Variants in MERTK observed in about 807,000 individuals in gnomAD.
MERTK encodes tyrosine-protein kinase Mer.
Under a neutral mutation model 99.3 loss-of-function variants are expected in MERTK, and 69 were observed. The ratio of observed to expected loss-of-function variants is 0.70; its 90% confidence interval spans 0.57 to 0.85. The LOEUF (loss-of-function observed/expected upper bound fraction) is 0.85. MERTK is among the 40% of genes least tolerant of loss of function. MERTK has a pLI of 0.00. For synonymous variants in MERTK, 426 were observed against 467.6 expected (o/e 0.91, Z 1.15); for missense variants, 1,125 against 1,249.4 (o/e 0.90, Z 1.50).
intron 2 of MERTK, among the ~76,000 whole-genome samples, chr2:111,936,780 G>A (rs887118919): frequency 1.1e-4 from 16 of 152,094 alleles, no homozygotes; most frequent in Admixed American, 9.2e-4. Flanking sequence ...TAGCATATCC[G>A]TTTGTCCAGG....
chr2:112,013,721 G>A (rs904099769), intron 15 of MERTK, among the ~76,000 whole-genome samples: 1 of 152,212 alleles, frequency 6.6e-6, no homozygotes, highest in African/African-American at 2.4e-5. Flanking sequence ...CATTCTGTGT[G>A]CACCCCTCTC....
At chr2:111,916,000 C>T (rs1684343111) in intron 1 of MERTK, among the ~76,000 whole-genome samples, 3 of 152,134 alleles carry the variant, frequency 2.0e-5, no homozygotes, top group Admixed American at 2.0e-4. Context: ...AGAACATAGA[C>T]TATATGATTT....
rs375585784 is a variant in MERTK at position 112,028,409 on chromosome 2, G to A, written c.2545G>A (p.Val849Ile). ...TDPLDRPTFS[V>I]LRLQLEKLLE... is the part of the protein sequence containing the mutation. ...TCCCTTAGACCGCCCCACCTTTTCA[G>A]TATTGAGGCTGCAGCTAGAAAAACT... Residue 849 changes from valine to isoleucine, a missense_variant, in exon 19 of 19, where the codon GTA becomes ATA. Transcript: ENST00000295408. 1 of 1,614,028 alleles carries A rather than the reference G, an allele frequency of 6.2e-7. No homozygotes were observed. Among genetic ancestry groups the A allele is most frequent in the African/African-American group, 1.3e-5 (1 of 74,910 alleles).
intron 4 of MERTK, among the ~76,000 whole-genome samples, chr2:111,962,260 C>T (rs1168562174): frequency 1.3e-5 from 2 of 152,068 alleles, no homozygotes; most frequent in Non-Finnish European, 2.9e-5. Context: ...GTAATCCTAG[C>T]GTTTTAGGAG....
rs534200687 is a variant in MERTK, at chr2:111,980,640, G to A, written c.1145-2202G>A. On this transcript the variant is annotated intron_variant, in intron 7 of 18. Transcript: ENST00000295408. ...TCACCGTGTTGGCCAGGATGGTCTCGATCTCCTGACCTCGTGACCCACCCG... is the reference window on the plus strand; with the variant it reads ...TCACCGTGTTGGCCAGGATGGTCTCAATCTCCTGACCTCGTGACCCACCCG... 9.9e-5 allele frequency among the ~76,000 whole-genome samples: 15 copies of A among 152,014 alleles called. 1 individual carries two copies. The highest frequency in any genetic ancestry group is 3.6e-4 in the African/African-American group (15 of 41,468).
At chr2:111,913,880 T>C (rs1004085144) in intron 1 of MERTK, among the ~76,000 whole-genome samples, 5 of 152,206 alleles carry the variant, frequency 3.3e-5, no homozygotes, top group Non-Finnish European at 7.3e-5. Flanking sequence ...GATAATCATA[T>C]CTGCAAGTAG....
rs780942200 is a variant in MERTK at position 112,022,240 on chromosome 2, T to C, written c.2350-18T>C. 2 of 1,614,176 alleles carry C rather than the reference T, an allele frequency of 1.2e-6. No individual in the cohort carries two copies. The highest frequency in any genetic ancestry group is 1.1e-5 in the South Asian group (1 of 91,046). On this transcript the variant is annotated intron_variant, in intron 17 of 18. Coordinates refer to ENST00000295408, the MANE Select transcript of MERTK (RefSeq NM_006343.3). ...GTGGAAAGGCTTGCATCCTAACTTG[T>C]TGTTGCTTTGTTCCCAGTGGGCATT... is the stretch of plus-strand genomic sequence containing the variant.
intron 1 of MERTK, among the ~76,000 whole-genome samples, chr2:111,921,078 C>T (rs1684448861): frequency 6.6e-6 from 1 of 152,066 alleles, no homozygotes. Flanking sequence ...GGTGGGAGTC[C>T]TTAACCTGGG....
chr2:111,970,725 C>T (rs1464231243), intron 6 of MERTK, among the ~76,000 whole-genome samples: 1 of 127,082 alleles, frequency 7.9e-6, no homozygotes, highest in Non-Finnish European at 1.7e-5. Context: ...CCTCCCTTGT[C>T]CTTCCTCCCC....
intron 4 of MERTK, among the ~76,000 whole-genome samples, chr2:111,964,753 A>G (rs745616796): frequency 2.0e-5 from 3 of 152,208 alleles, no homozygotes; most frequent in Non-Finnish European, 4.4e-5. Flanking sequence ...ACAACACATC[A>G]TCTGAGATTT....
intron 4 of MERTK, among the ~76,000 whole-genome samples, chr2:111,956,782 G>T (rs1000918540): frequency 6.6e-6 from 1 of 151,268 alleles, no homozygotes; most frequent in African/African-American, 2.4e-5. Context: ...CTACCTCAGC[G>T]CCCCAAGTAG....
intron 1 of MERTK, among the ~76,000 whole-genome samples, chr2:111,905,543 C>T (rs998980004): frequency 7.1e-6 from 1 of 140,246 alleles, no homozygotes; most frequent in Non-Finnish European, 1.5e-5. Context: ...AGCGATTGAA[C>T]CCAGGGTTCA....
chr2:112,021,971 GA>G (rs112340384), intron 17 of MERTK, among the ~76,000 whole-genome samples: 2 of 151,746 alleles, frequency 1.3e-5, no homozygotes, highest in African/African-American at 4.8e-5. Context: ...CCGAGATAAG[GA>G]AAAAAAAGCA....
At chr2:111,931,671 C>T (rs926065260) in intron 2 of MERTK, among the ~76,000 whole-genome samples, 3 of 147,150 alleles carry the variant, frequency 2.0e-5, no homozygotes, top group Non-Finnish European at 3.0e-5. Flanking sequence ...GGCAACAGAG[C>T]GAGACTCCAT....
chr2:111,947,366 A>G (rs1349729650), intron 3 of MERTK, 28 bp from the exon 4 acceptor site: 8 of 1,613,140 alleles, frequency 5.0e-6, no homozygotes, highest in South Asian at 1.1e-5. Flanking sequence ...GATCTGAAAC[A>G]TTCTTTTGTG....
intron 7 of MERTK, among the ~76,000 whole-genome samples, chr2:111,982,588 A>G (rs903764727): frequency 3.9e-5 from 6 of 152,188 alleles, no homozygotes; most frequent in Middle Eastern, 3.4e-3. Context: ...GGGTCTCACT[A>G]TGTTCTGGCT....
chr2:111,961,156 C>CTTTTTTT (rs1052197732), intron 4 of MERTK, among the ~76,000 whole-genome samples: 18 of 98,050 alleles, frequency 1.8e-4, no homozygotes, highest in East Asian at 2.9e-4. Flanking sequence ...AATTTTCTTT[C>CTTTTTTT]TTTTTTTTTT....
chr2:111,984,270 G>C (rs1411815418), intron 8 of MERTK, among the ~76,000 whole-genome samples: 3 of 152,146 alleles, frequency 2.0e-5, no homozygotes, highest in African/African-American at 4.8e-5. Flanking sequence ...ACTGAAGAGG[G>C]CAGTCTGCAT....
At chr2:111,998,305 T>C (rs1447953652) in intron 10 of MERTK, among the ~76,000 whole-genome samples, 1 of 152,212 alleles carries the variant, frequency 6.6e-6, no homozygotes, top group African/African-American at 2.4e-5. Flanking sequence ...GAACATATAA[T>C]TGACTAAAAT....
Sources: allele counts gnomAD v4.1 joint callset (sites outside exome capture counted in the v4.1 genomes callset), GRCh38; gene constraint gnomAD v4.1.1; transcripts MANE v1.5; gene names NCBI Gene and HGNC (gene_info 2026-07-23, HGNC 2026-07-21).